Variants in ATAD5 observed in about 807,000 individuals in gnomAD.
ATAD5 encodes ATPase family AAA domain containing 5, also known as ATPase family AAA domain-containing protein 5.
In ATAD5, 58 loss-of-function variants were observed where a neutral mutation model predicts 176.9. The observed-to-expected ratio is 0.33, with a 90% CI of 0.27 to 0.41. The LOEUF (loss-of-function observed/expected upper bound fraction) is 0.41. ATAD5 is among the 10% of genes least tolerant of loss of function. The pLI is 1.00. For missense variants in ATAD5, 1,789 were observed against 2,094.1 expected, an observed-to-expected ratio of 0.85 and a Z score of 2.84; for synonymous variants, 640 against 712.6, an observed-to-expected ratio of 0.90 and a Z score of 1.62.
At position 30,855,172 on chromosome 17, in the gene ATAD5, G is replaced by A. The variant is rs1907219330; in HGVS notation, c.2480G>A (p.Cys827Tyr). 1 of 1,609,162 alleles carries A rather than the reference G, an allele frequency of 6.2e-7. No homozygotes were observed. The highest frequency in any genetic ancestry group is 8.5e-7 in the Non-Finnish European group (1 of 1,178,686). ...GATACATCTGAAAAATCTCAGGATT[G>A]TGATGTTCAATGTAAAGCAAAGCGT... ...SQDTSEKSQD[C>Y]DVQCKAKRDF... The change falls in exon 7 of 23, where the codon TGT (cysteine) becomes TAT (tyrosine). Residue 827 changes from cysteine (C) to tyrosine (Y), a missense_variant. Around this residue, in one of 6 missense-constraint regions of ATAD5, gnomAD observed 487 missense variants for 573.6 expected, o/e 0.85. Transcript: ENST00000321990.
chr17:30,877,050 C>G, intron 15 of ATAD5, among the ~76,000 whole-genome samples: 1 of 150,788 alleles, frequency 6.6e-6, no homozygotes. Context: ...GACAGTCTCA[C>G]TCTTTCATCC....
chr17:30,836,180 C>A, intron 2 of ATAD5, 132 bp downstream of exon 2: 1 of 654,758 alleles, frequency 1.5e-6, no homozygotes, highest in Non-Finnish European at 2.2e-6. Context: ...AACAGGATTT[C>A]TTTTTTTTTT....
At chr17:30,852,098 ATTCT>A (rs1221447458) in intron 6 of ATAD5, among the ~76,000 whole-genome samples, 3 of 152,266 alleles carry the variant, frequency 2.0e-5, no homozygotes, top group African/African-American at 4.8e-5. Context: ...TATTGCAGTC[ATTCT>A]TTCTTTGTTA....
At chr17:30,881,066 T>G (rs1262165310) in intron 18 of ATAD5, among the ~76,000 whole-genome samples, 2 of 151,268 alleles carry the variant, frequency 1.3e-5, no homozygotes, top group Non-Finnish European at 2.9e-5. Flanking sequence ...TGTATATGTC[T>G]TTTTTTCTTA....
At position 30,876,380 on chromosome 17, in the gene ATAD5, T is replaced by A. The variant is rs1908678605; in HGVS notation, c.3614T>A (p.Ile1205Lys). ...SYYIGKSPKK[I>K]SSPKKVVTSP... is the part of the protein sequence containing the mutation. Reference sequence around the variant, plus strand: ...GCAATTTGTTTTTGGGCAGAAAAAATAAGCTCCCCTAAGAAAGTTGTTACA... The same window carrying A: ...GCAATTTGTTTTTGGGCAGAAAAAAAAAGCTCCCCTAAGAAAGTTGTTACA... The change falls in exon 15 of 23, where the codon ATA (isoleucine) becomes AAA (lysine). Residue 1205 changes from isoleucine (I) to lysine (K), a missense_variant. This residue lies in a region of ATAD5 where 194 missense variants were observed against 270.1 expected (regional missense o/e 0.72). Coordinates refer to ENST00000321990, the MANE Select transcript of ATAD5 (RefSeq NM_024857.5). The A allele has an allele frequency of 1.3e-6, 2 of 1,568,296 alleles. No individual in the cohort carries two copies. Among genetic ancestry groups the A allele is most frequent in the Non-Finnish European group, 8.6e-7 (1 of 1,163,166 alleles).
At chr17:30,892,852 C>G (rs1479739678) in intron 20 of ATAD5, 64 bp downstream of exon 20, 10 of 1,306,528 alleles carry the variant, frequency 7.7e-6, no homozygotes, top group Non-Finnish European at 1.0e-5. Context: ...CAACATTAGC[C>G]TCCTATCTTT....
intron 10 of ATAD5, among the ~76,000 whole-genome samples, chr17:30,863,420 G>A (rs1341845593): frequency 3.3e-5 from 5 of 150,940 alleles, no homozygotes; most frequent in African/African-American, 1.2e-4. Flanking sequence ...ATGCTGGAGT[G>A]CAGTGGCGCG....
In ATAD5 at chr17:30,868,317, T is replaced by A; in HGVS notation, c.3234-16T>A. 1 of 1,551,064 alleles carries A rather than the reference T, an allele frequency of 6.4e-7. No homozygotes were observed. Among genetic ancestry groups the A allele is most frequent in the East Asian group, 2.3e-5 (1 of 42,938 alleles). ...TATATTCTGTGAATTATTTTTATTA[T>A]GTTTTCTTGTGGCAGTTGGTTGAAA... On this transcript the variant is annotated splice_polypyrimidine_tract_variant and intron_variant, in intron 11 of 22. Coordinates refer to ENST00000321990, the MANE Select transcript of ATAD5 (RefSeq NM_024857.5).
At position 30,895,507 on chromosome 17, in the gene ATAD5, C is replaced by G. The variant is rs1909863620; in HGVS notation, c.*594C>G. On this transcript the variant is annotated 3_prime_UTR_variant, in exon 23 of 23. Transcript: ENST00000321990. ...GCAACTTTTGCCTCCCGGGTTCAAGCGATTATCCTGCCTCAGCCTCCTGAA... is the reference window on the plus strand; with the variant it reads ...GCAACTTTTGCCTCCCGGGTTCAAGGGATTATCCTGCCTCAGCCTCCTGAA... 6.6e-6 allele frequency: 1 copy of G among 150,714 alleles called. No homozygotes were observed. The highest frequency in any genetic ancestry group is 6.7e-5 in the Admixed American group (1 of 14,982). The allele number at this position is 150,714 out of a possible 1,614,324, so 9.3% of individuals were successfully genotyped here.
At chr17:30,857,443 C>T (rs570671303) in intron 8 of ATAD5, among the ~76,000 whole-genome samples, 1 of 151,912 alleles carries the variant, frequency 6.6e-6, no homozygotes, top group African/African-American at 2.4e-5. Flanking sequence ...CTTGAACTCC[C>T]TACTTCAGGT....
chr17:30,881,910 C>A (rs997465444), intron 18 of ATAD5, among the ~76,000 whole-genome samples: 2 of 123,342 alleles, frequency 1.6e-5, no homozygotes, highest in Admixed American at 7.4e-5. Flanking sequence ...AAGACCCTGT[C>A]CCCCCCCCAA....
At chr17:30,887,430 G>A (rs1909382652) in intron 19 of ATAD5, 58 bp downstream of exon 19, 11 of 1,461,378 alleles carry the variant, frequency 7.5e-6, no homozygotes, top group Non-Finnish European at 1.0e-5. Flanking sequence ...AAAAATCTGT[G>A]CTATGGCTGG....
chr17:30,891,888 GTTGCCCAGGATGGTCTCGAAC>G (rs962501794), intron 19 of ATAD5, among the ~76,000 whole-genome samples: 173 of 150,228 alleles, frequency 1.2e-3, no homozygotes, highest in African/African-American at 4.1e-3. Flanking sequence ...GTTTCACCAT[GTTGCCCAGGATGGTCTCGAAC>G]TTGCCCAGGA....
chr17:30,838,674 AT>A (rs1905901955), intron 3 of ATAD5, among the ~76,000 whole-genome samples: 1 of 152,136 alleles, frequency 6.6e-6, no homozygotes, highest in Non-Finnish European at 1.5e-5. Flanking sequence ...ATTCTTCTTG[AT>A]TTCATTCTAG....
chr17:30,845,498 CTG>C (rs1314219359), intron 6 of ATAD5, among the ~76,000 whole-genome samples: 3 of 152,266 alleles, frequency 2.0e-5, no homozygotes, highest in East Asian at 3.9e-4. Context: ...TGTAAAGTCT[CTG>C]TAGCTGGAAG....
intron 6 of ATAD5, among the ~76,000 whole-genome samples, chr17:30,846,920 T>C (rs1456357289): frequency 6.6e-6 from 1 of 151,660 alleles, no homozygotes; most frequent in Non-Finnish European, 1.5e-5. Context: ...GGTTTTTCCA[T>C]GTTGGTCGGG....
intron 4 of ATAD5, among the ~76,000 whole-genome samples, chr17:30,842,206 T>G (rs1302671418): frequency 6.6e-6 from 1 of 151,694 alleles, no homozygotes; most frequent in Non-Finnish European, 1.5e-5. Context: ...GAGGCGGAGG[T>G]TGCAGTGAGC....
intron 7 of ATAD5, among the ~76,000 whole-genome samples, chr17:30,856,529 A>G (rs1907300464): frequency 6.6e-6 from 1 of 152,056 alleles, no homozygotes; most frequent in Non-Finnish European, 1.5e-5. Flanking sequence ...GCTCACTGCA[A>G]CCTCTGTCTC....
chr17:30,894,176 A>G, intron 21 of ATAD5, 26 bp downstream of exon 21: 2 of 1,487,854 alleles, frequency 1.3e-6, no homozygotes, highest in Non-Finnish European at 1.8e-6. Context: ...TTTACTTTTT[A>G]TTTTTTGGTA....
Sources: gnomAD v4.1 joint callset for allele counts (sites outside exome capture counted in the v4.1 genomes callset) on GRCh38, gnomAD v4.1.1 for gene constraint, gnomAD v4.1.1 regional missense constraint, MANE v1.5 for transcripts, NCBI Gene and HGNC (gene_info 2026-07-23, HGNC 2026-07-21) for gene names.